Variants in ZHX3 observed in about 807,000 individuals in gnomAD.
The protein encoded by ZHX3 is zinc fingers and homeoboxes protein 3.
Under a neutral mutation model 64.5 loss-of-function variants are expected in ZHX3, and 20 were observed. That is an observed-to-expected ratio of 0.31 (90% confidence interval 0.22 to 0.45). The LOEUF (loss-of-function observed/expected upper bound fraction) is 0.45, where lower values mean the gene tolerates loss of function less well. Ranked by LOEUF, ZHX3 falls within the 20% of genes least tolerant of loss-of-function variation. The probability of loss-of-function intolerance (pLI) is 1.00; values close to 1 mark genes in which losing one functional copy is unlikely to be tolerated. For synonymous variants in ZHX3, 423 were observed against 461.6 expected (o/e 0.92, Z 1.07); for missense variants, 1,041 against 1,195.8 (o/e 0.87, Z 1.91).
At chr20:41,275,967 T>C (rs1190403467) in intron 1 of ZHX3, among the ~76,000 whole-genome samples, 1 of 152,222 alleles carries the variant, frequency 6.6e-6, no homozygotes, top group Non-Finnish European at 1.5e-5. Context: ...ATGGGTTGGA[T>C]ACAGAGGCAG....
intron 1 of ZHX3, among the ~76,000 whole-genome samples, chr20:41,313,592 CCTT>C (rs1190954043): frequency 7.2e-6 from 1 of 138,960 alleles, no homozygotes; most frequent in African/African-American, 2.7e-5. Flanking sequence ...TACTTTTAGG[CCTT>C]TTTTTTTTTT....
intron 3 of ZHX3, among the ~76,000 whole-genome samples, chr20:41,186,402 G>A (rs752973641): frequency 6.6e-6 from 1 of 152,112 alleles, no homozygotes; most frequent in Non-Finnish European, 1.5e-5. Flanking sequence ...TTATCTGGTG[G>A]TAAGTACTTG....
At chr20:41,306,985 C>T (rs1316461483) in intron 1 of ZHX3, among the ~76,000 whole-genome samples, 3 of 152,192 alleles carry the variant, frequency 2.0e-5, no homozygotes, top group Admixed American at 6.5e-5. Context: ...TATAGCTAAC[C>T]TACCATGGCA....
intron 1 of ZHX3, among the ~76,000 whole-genome samples, chr20:41,277,663 C>T (rs6029604): frequency 0.43 from 64,217 of 148,728 alleles, 16,109 homozygotes; most frequent in East Asian, 0.81. Context: ...GTGATCTCCG[C>T]TCACTGCAAG....
At chr20:41,281,189 A>T (rs933610351) in intron 1 of ZHX3, among the ~76,000 whole-genome samples, 7 of 152,206 alleles carry the variant, frequency 4.6e-5, no homozygotes, top group Non-Finnish European at 1.0e-4. Flanking sequence ...CAATTTCTAC[A>T]AAGTTTAAAA....
At chr20:41,308,439 A>G (rs1056195014) in intron 1 of ZHX3, among the ~76,000 whole-genome samples, 7 of 152,238 alleles carry the variant, frequency 4.6e-5, no homozygotes, top group Admixed American at 2.0e-4. Flanking sequence ...AGGAAATAAG[A>G]AATGGAACAC....
At chr20:41,271,450 G>T in intron 1 of ZHX3, among the ~76,000 whole-genome samples, 1 of 152,204 alleles carries the variant, frequency 6.6e-6, no homozygotes, top group East Asian at 1.9e-4. Context: ...GGTTGATTCA[G>T]ATGATGCCAA....
chr20:41,307,433 C>A (rs1396979157), intron 1 of ZHX3, among the ~76,000 whole-genome samples: 1 of 152,170 alleles, frequency 6.6e-6, no homozygotes, highest in Admixed American at 6.5e-5. Context: ...ATATACATCC[C>A]ATTATCATTC....
chr20:41,182,593 CTCA>C lies in ZHX3; in HGVS notation c.*2595_*2597del, dbSNP rs142024567. The C allele has an allele frequency of 0.064, 9,735 of 152,328 alleles. 338 individuals carry two copies. The highest frequency in any genetic ancestry group is 0.17 in the Middle Eastern group (50 of 294). 9.4% of individuals were successfully genotyped at this position (152,328 alleles called of 1,614,324 possible). ...AAGCACCTGCGTGATGACTGCCTCC[CTCA>C]TCATCGCTTTTGATCATCTTTCAAG... On this transcript the variant is annotated 3_prime_UTR_variant, in exon 4 of 4. Transcript: ENST00000683867. This position sits in a 1 kb window ranked among gnomAD's most constrained non-coding sequence, Gnocchi z 6.1.
intron 1 of ZHX3, among the ~76,000 whole-genome samples, chr20:41,307,125 C>T (rs1261388697): frequency 6.6e-6 from 1 of 152,142 alleles, no homozygotes. Flanking sequence ...GTGCAAAGGT[C>T]TAGGGCAGAA....
chr20:41,194,886 T>C (rs976231006), intron 3 of ZHX3, among the ~76,000 whole-genome samples: 1 of 152,192 alleles, frequency 6.6e-6, no homozygotes, highest in African/African-American at 2.4e-5. Flanking sequence ...ATATCTTATA[T>C]TCATGTGAAA....
At chr20:41,298,623 G>C (rs1049239782) in intron 1 of ZHX3, among the ~76,000 whole-genome samples, 1 of 152,222 alleles carries the variant, frequency 6.6e-6, no homozygotes, top group African/African-American at 2.4e-5. Flanking sequence ...AGATGTTTTA[G>C]AACCTACATT....
intron 3 of ZHX3, among the ~76,000 whole-genome samples, chr20:41,193,707 G>GT (rs1331873098): frequency 2.1e-4 from 26 of 124,572 alleles, no homozygotes; most frequent in Admixed American, 1.3e-3. Flanking sequence ...TGTTGTTGTT[G>GT]TTTTTGTTTT....
Position 41,224,595 on chromosome 20 carries a change from T to C in ZHX3, c.-150-19529A>G, listed in dbSNP as rs111400140. ...ACTGAGCTAGATACAAGTTCTATTCTCCCCCTCACAGAGGAGGACTTTGAG... is the reference window on the plus strand; with the variant it reads ...ACTGAGCTAGATACAAGTTCTATTCCCCCCCTCACAGAGGAGGACTTTGAG... On this transcript the variant is annotated intron_variant, in intron 2 of 3. Transcript: ENST00000683867. This position sits in a 1 kb window ranked among gnomAD's most constrained non-coding sequence, Gnocchi z 5.2. Among the ~76,000 whole-genome samples the C allele has an allele frequency of 5.2e-3, 796 of 152,160 alleles. 5 individuals carry two copies. The highest frequency in any genetic ancestry group is 0.01 in the Middle Eastern group (3 of 294).
At chr20:41,194,499 A>G (rs79063469) in intron 3 of ZHX3, among the ~76,000 whole-genome samples, 1,609 of 151,922 alleles carry the variant, frequency 0.011, 14 homozygotes, top group African/African-American at 0.028. Context: ...TTTTGTATCT[A>G]TATTCATAAG....
chr20:41,274,619 C>A (rs2043297018), intron 1 of ZHX3, among the ~76,000 whole-genome samples: 1 of 152,054 alleles, frequency 6.6e-6, no homozygotes, highest in Non-Finnish European at 1.5e-5. Context: ...ACACAATAAC[C>A]CAGGAAAAAT....
At chr20:41,254,661 ACT>A (rs2042146582) in intron 2 of ZHX3, 1 of 152,028 alleles carries the variant, frequency 6.6e-6, no homozygotes, top group Non-Finnish European at 1.5e-5. Context: ...AATACATGTC[ACT>A]CTCATAGGGT....
intron 2 of ZHX3, among the ~76,000 whole-genome samples, chr20:41,263,953 T>C (rs1171838336): frequency 2.6e-5 from 4 of 151,946 alleles, no homozygotes; most frequent in Non-Finnish European, 5.9e-5. Context: ...AAAGGAAACA[T>C]AAAATTGGAA....
At position 41,202,123 on chromosome 20, in the gene ZHX3, G is replaced by T; in HGVS notation, c.2794C>A (p.Pro932Thr). 6.2e-7 allele frequency: 1 copy of T among 1,613,956 alleles called. No homozygotes were observed. The highest frequency in any genetic ancestry group is 8.5e-7 in the Non-Finnish European group (1 of 1,179,942). Residue 932 changes from proline (P) to threonine (T), a missense_variant, in exon 3 of 4, where the codon CCC becomes ACC. Coordinates refer to ENST00000683867, the MANE Select transcript of ZHX3 (RefSeq NM_001384317.1). The surrounding 1 kb of genome is among the most constrained non-coding windows in gnomAD (Gnocchi z 7.0). Reference sequence around the variant, plus strand: ...TCTGAGCTGGCCTCAGGGACACGGGGCTCCCACGACTCACTGTTCTCAGAC... The same window carrying T: ...TCTGAGCTGGCCTCAGGGACACGGGTCTCCCACGACTCACTGTTCTCAGAC... Reference protein sequence around the residue: ...EVSENSESWEPRVPEASSEPF... With the variant: ...EVSENSESWETRVPEASSEPF...
Sources: gnomAD v4.1 joint callset for allele counts (sites outside exome capture counted in the v4.1 genomes callset) on GRCh38, gnomAD v4.1.1 for gene constraint, Gnocchi (gnomAD v3.1) non-coding constraint, MANE v1.5 for transcripts, NCBI Gene and HGNC (gene_info 2026-07-23, HGNC 2026-07-21) for gene names.